Variants in DSN1 observed in about 807,000 individuals in gnomAD.
The protein encoded by DSN1 is DSN1 component of MIS12 kinetochore complex.
A neutral mutation model predicts 45.7 loss-of-function variants in DSN1; 31 were observed. The observed-to-expected ratio is 0.68, with a 90% CI of 0.51 to 0.92. The LOEUF (loss-of-function observed/expected upper bound fraction) is 0.92, where lower values mean the gene tolerates loss of function less well. Ranked by LOEUF, DSN1 falls within the 40% of genes least tolerant of loss-of-function variation. The pLI, the probability that DSN1 is intolerant of heterozygous loss-of-function variation, is 0.00. For missense variants in DSN1, 394 were observed against 414.2 expected (o/e 0.95, Z 0.42); for synonymous variants, 134 against 142.3 (o/e 0.94, Z 0.41).
chr20:36,762,169 C>T (rs1384853400), intron 6 of DSN1, among the ~76,000 whole-genome samples: 3 of 140,752 alleles, frequency 2.1e-5, no homozygotes, highest in Non-Finnish European at 3.0e-5. Flanking sequence ...TGCAGGGGCG[C>T]GATCTTGGCT....
chr20:36,764,646 C>T (rs993822038), intron 5 of DSN1, among the ~76,000 whole-genome samples: 11 of 152,162 alleles, frequency 7.2e-5, no homozygotes, highest in African/African-American at 2.7e-4. Context: ...GAGGCTGAGC[C>T]ATGGTGGCTC....
chr20:36,773,528 G>C (rs1004785623), intron 1 of DSN1, 134 bp downstream of exon 1: 3 of 985,916 alleles, frequency 3.0e-6, no homozygotes, highest in Admixed American at 6.1e-5. Flanking sequence ...GTCCACGGTC[G>C]GGGCCGGGGC....
intron 5 of DSN1, 41 bp from the exon 6 acceptor site, chr20:36,762,589 A>G (rs1189637770): frequency 3.8e-6 from 6 of 1,564,084 alleles, no homozygotes; most frequent in Middle Eastern, 3.7e-4. Context: ...TAAAGGAAAT[A>G]TACGTTTTCA....
intron 10 of DSN1, among the ~76,000 whole-genome samples, 186 bp downstream of exon 10, chr20:36,754,577 A>C (rs999905621): frequency 2.0e-5 from 3 of 152,212 alleles, no homozygotes; most frequent in African/African-American, 7.2e-5. Flanking sequence ...CTTCTGTAGA[A>C]TTTACATCTA....
chr20:36,766,614 T>C (rs560373914), intron 5 of DSN1, among the ~76,000 whole-genome samples, 155 bp downstream of exon 5: 1 of 152,236 alleles, frequency 6.6e-6, no homozygotes, highest in Admixed American at 6.5e-5. Context: ...AAGATCACCC[T>C]ACTGCACTCC....
intron 5 of DSN1, 136 bp downstream of exon 5, chr20:36,766,633 C>G (rs956551237): frequency 2.6e-6 from 2 of 770,602 alleles, no homozygotes; most frequent in Admixed American, 5.1e-5. Context: ...CCAGTCTGGG[C>G]AAGAGTGAGA....
At chr20:36,763,393 A>T (rs1292801833) in intron 5 of DSN1, among the ~76,000 whole-genome samples, 8 of 111,202 alleles carry the variant, frequency 7.2e-5, no homozygotes, top group Non-Finnish European at 1.2e-4. Flanking sequence ...CAAGAATGAG[A>T]CTCTGTCTCA....
chr20:36,754,820 G>T lies in DSN1; in HGVS notation c.904C>A (p.Leu302Met). The part of the protein sequence containing the change: ...MDELQGSVKQ[L>M]QAFMDESTQC... ...GTACTTTCATCCATAAAGGCCTGCA[G>T]CTGTTTCACTGATCCTTGCAGTTCA... is the stretch of plus-strand genomic sequence containing the variant. The change falls in exon 10 of 11, where the codon CTG becomes ATG. Residue 302 changes from leucine to methionine, a missense_variant. By Grantham distance (15) the Leu-to-Met change is conservative. Transcript: ENST00000373750. The T allele has an allele frequency of 6.2e-7, 1 of 1,613,898 alleles. No homozygotes were observed. The highest frequency in any genetic ancestry group is 8.5e-7 in the Non-Finnish European group (1 of 1,179,866).
At position 36,771,482 on chromosome 20, in the gene DSN1, A is replaced by C; in HGVS notation, c.-15-9T>G. On this transcript the variant is annotated splice_polypyrimidine_tract_variant and intron_variant, in intron 1 of 10. Transcript: ENST00000373750. ...ATCCTAGGTGGTAAACTCTGAAAAT[A>C]GGAAAATGGAAGTGATCTGTTCTTC... 6.2e-7 allele frequency: 1 copy of C among 1,613,078 alleles called. No homozygotes were observed. The highest frequency in any genetic ancestry group is 8.5e-7 in the Non-Finnish European group (1 of 1,179,272).
intron 8 of DSN1, 145 bp from the exon 9 acceptor site, chr20:36,755,974 G>C: frequency 2.2e-6 from 2 of 893,676 alleles, no homozygotes; most frequent in South Asian, 2.1e-5. Context: ...GTTTTTTTTT[G>C]TTTGTTTGTT....
Position 36,767,977 on chromosome 20 carries a change from T to C in DSN1, c.421A>G (p.Ser141Gly), listed in dbSNP as rs753573338. ...AGTTATAAGAACCTTACCTGGAAAC[T>C]GGAAAGCAGGAGACAGCCAAGCCGT... ...SKRLGCLLLS[S>G]FQFSIQKLEP... Residue 141 changes from serine (S) to glycine (G), a missense_variant, in exon 4 of 11, where the codon AGT becomes GGT. By Grantham distance (56) the Ser-to-Gly change is moderately conservative. Transcript: ENST00000373750. 2 of 1,614,030 alleles carry C rather than the reference T, an allele frequency of 1.2e-6. No individual in the cohort carries two copies. Among genetic ancestry groups the C allele is most frequent in the East Asian group, 2.2e-5 (1 of 44,878 alleles).
At chr20:36,766,676 G>T in intron 5 of DSN1, 93 bp downstream of exon 5, 1 of 1,139,326 alleles carries the variant, frequency 8.8e-7, no homozygotes, top group Non-Finnish European at 1.3e-6. Flanking sequence ...GGGGGAGCTA[G>T]TTTTATAAGG....
At chr20:36,763,673 G>A (rs1380244777) in intron 5 of DSN1, among the ~76,000 whole-genome samples, 1 of 150,528 alleles carries the variant, frequency 6.6e-6, no homozygotes, top group Non-Finnish European at 1.5e-5. Context: ...CAGATCACGA[G>A]GTCAAGAGAT....
chr20:36,765,846 T>TAAA (rs72491027), intron 5 of DSN1, among the ~76,000 whole-genome samples: 4 of 69,474 alleles, frequency 5.8e-5, no homozygotes, highest in African/African-American at 9.0e-5. Flanking sequence ...AGCAAAAGAC[T>TAAA]AAAAAAAAAA....
chr20:36,754,848 C>T lies in DSN1; in HGVS notation c.876G>A (p.Met292Ile). 6.2e-7 allele frequency: 1 copy of T among 1,613,638 alleles called. No homozygotes were observed. The highest frequency in any genetic ancestry group is 8.5e-7 in the Non-Finnish European group (1 of 1,179,720). ...SKVFDCMELV[M>I]DELQGSVKQL... ...GTTTCACTGATCCTTGCAGTTCATC[C>T]ATCTGTAGAAAAAAGACAGCTGTGA... The change falls in exon 10 of 11, where the codon ATG becomes ATA. Residue 292 changes from methionine to isoleucine, a missense_variant and splice_region_variant. Met to Ile is a conservative substitution (Grantham distance 10). Transcript: ENST00000373750.
chr20:36,770,684 T>A (rs1352618497), intron 3 of DSN1, among the ~76,000 whole-genome samples, 189 bp downstream of exon 3: 2 of 152,126 alleles, frequency 1.3e-5, no homozygotes, highest in Non-Finnish European at 2.9e-5. Flanking sequence ...AACAGCAACA[T>A]CCTGTCTCTT....
chr20:36,757,451 C>T (rs746980343), intron 8 of DSN1, among the ~76,000 whole-genome samples: 5 of 151,906 alleles, frequency 3.3e-5, no homozygotes, highest in Admixed American at 6.6e-5. Flanking sequence ...TCATGGCAGA[C>T]ACCTGTAGTC....
At chr20:36,755,968 TTTTTTGTTTGTTTGTTTG>T in intron 8 of DSN1, 139 bp from the exon 9 acceptor site, 1 of 1,028,542 alleles carries the variant, frequency 9.7e-7, no homozygotes, top group Admixed American at 2.9e-5. Context: ...AGAAAGGTTT[TTTTTTGTTTGTTTGTTTG>T]TTTTTGAGAT....
chr20:36,772,263 C>G (rs933096875), intron 1 of DSN1, among the ~76,000 whole-genome samples: 2 of 150,532 alleles, frequency 1.3e-5, no homozygotes, highest in African/African-American at 4.9e-5. Flanking sequence ...TTTTCTACCT[C>G]CAACGGCCCG....
Sources: allele counts gnomAD v4.1 joint callset (sites outside exome capture counted in the v4.1 genomes callset), GRCh38; gene constraint gnomAD v4.1.1; transcripts MANE v1.5; gene names NCBI Gene and HGNC (gene_info 2026-07-23, HGNC 2026-07-21).